Variants in HS3ST4 observed in about 807,000 individuals in gnomAD.
HS3ST4 encodes the protein heparan sulfate-glucosamine 3-sulfotransferase 4, also known as heparan sulfate glucosamine 3-O-sulfotransferase 4.
HS3ST4 carries 17 observed loss-of-function variants against 29.2 expected under a neutral mutation model. The observed-to-expected ratio is 0.58, with a 90% CI of 0.40 to 0.87. HS3ST4 has a LOEUF of 0.87. HS3ST4 is among the 40% of genes least tolerant of loss of function. The pLI, the probability that HS3ST4 is intolerant of heterozygous loss-of-function variation, is 0.00. For synonymous variants in HS3ST4, 314 were observed against 285.7 expected, an observed-to-expected ratio of 1.10 and a Z score of -1.00; for missense variants, 627 against 634.5, an observed-to-expected ratio of 0.99 and a Z score of 0.13.
intron 1 of HS3ST4, among the ~76,000 whole-genome samples, chr16:26,006,288 G>T (rs1480331055): frequency 6.1e-5 from 6 of 98,954 alleles, no homozygotes; most frequent in Non-Finnish European, 9.0e-5. Flanking sequence ...GACAAAGTGA[G>T]ACTCTGTTTC....
intron 1 of HS3ST4, among the ~76,000 whole-genome samples, chr16:25,819,183 C>T (rs1482268337): frequency 6.6e-6 from 1 of 152,104 alleles, no homozygotes; most frequent in Non-Finnish European, 1.5e-5. Flanking sequence ...TCTGAGTCTG[C>T]GATCCTGTAA....
intron 1 of HS3ST4, among the ~76,000 whole-genome samples, chr16:26,008,250 G>A (rs963921021): frequency 4.6e-5 from 7 of 152,198 alleles, no homozygotes; most frequent in African/African-American, 1.7e-4. Context: ...AGGAGATCTG[G>A]CTAGGAATAA....
chr16:25,992,844 A>G (rs148782824), intron 1 of HS3ST4, among the ~76,000 whole-genome samples: 9 of 152,338 alleles, frequency 5.9e-5, no homozygotes, highest in Non-Finnish European at 1.2e-4. Flanking sequence ...TTGCTCCAGC[A>G]CTTGTATGGT....
chr16:25,734,579 A>G (rs4787750), intron 1 of HS3ST4, among the ~76,000 whole-genome samples: 137,417 of 152,194 alleles, frequency 0.9, 62,136 homozygotes, highest in East Asian at 1. Flanking sequence ...TGGAGCTCAG[A>G]AAGATGTAAT....
chr16:26,099,184 T>A (rs1898964190), intron 1 of HS3ST4, among the ~76,000 whole-genome samples: 1 of 152,196 alleles, frequency 6.6e-6, no homozygotes, highest in Non-Finnish European at 1.5e-5. Context: ...AGACAGGGTC[T>A]TGCTCTGCTG....
chr16:25,980,185 A>G (rs921502103), intron 1 of HS3ST4, among the ~76,000 whole-genome samples: 1 of 152,070 alleles, frequency 6.6e-6, no homozygotes, highest in African/African-American at 2.4e-5. Flanking sequence ...TGAACCTCCT[A>G]GGAGTGACTT....
chr16:25,856,901 C>G (rs753197836), intron 1 of HS3ST4, among the ~76,000 whole-genome samples: 1 of 152,104 alleles, frequency 6.6e-6, no homozygotes, highest in South Asian at 2.1e-4. Context: ...AATGATCAAG[C>G]CTGAGGGGTG....
intron 1 of HS3ST4, among the ~76,000 whole-genome samples, chr16:25,768,356 G>C (rs1267939211): frequency 2.0e-5 from 3 of 152,134 alleles, no homozygotes; most frequent in African/African-American, 4.8e-5. Flanking sequence ...TGATTCACAG[G>C]CCCTAGTAGG....
At position 25,692,301 on chromosome 16, in the gene HS3ST4, G is replaced by GGGCAGC. The variant is rs1204288996; in HGVS notation, c.-113_-108dup. On this transcript the variant is annotated 5_prime_UTR_variant, in exon 1 of 2. Transcript: ENST00000331351. ...GTCGCTTCATGCAGCCGGGGCGGCT[G>GGGCAGC]GGCAGCGGCGGCGGCGGCGGCGGCG... The GGGCAGC allele has an allele frequency of 6.9e-6, 1 of 144,048 alleles. No homozygotes were observed. The allele number at this position is 144,048 out of a possible 1,614,324, so 8.9% of individuals were successfully genotyped here.
chr16:25,776,126 G>T (rs1966847356), intron 1 of HS3ST4, among the ~76,000 whole-genome samples: 1 of 152,108 alleles, frequency 6.6e-6, no homozygotes, highest in South Asian at 2.1e-4. Flanking sequence ...CCTGTACCTT[G>T]ATTTGGCTCA....
At chr16:26,049,519 AAC>A (rs1236659243) in intron 1 of HS3ST4, among the ~76,000 whole-genome samples, 2 of 150,398 alleles carry the variant, frequency 1.3e-5, no homozygotes, top group African/African-American at 2.5e-5. Flanking sequence ...TGAGCGGAAA[AAC>A]ACAGTTTTTC....
At chr16:25,740,802 G>A (rs569811446) in intron 1 of HS3ST4, among the ~76,000 whole-genome samples, 1 of 152,090 alleles carries the variant, frequency 6.6e-6, no homozygotes, top group African/African-American at 2.4e-5. Flanking sequence ...CAGAACCAGG[G>A]GTTCACATAT....
chr16:26,126,532 A>G (rs950524946), intron 1 of HS3ST4, among the ~76,000 whole-genome samples: 6 of 152,230 alleles, frequency 3.9e-5, no homozygotes, highest in Non-Finnish European at 7.3e-5. Flanking sequence ...GAGACAGGCT[A>G]AGTAACTTGC....
intron 1 of HS3ST4, among the ~76,000 whole-genome samples, chr16:25,923,429 G>T (rs555144850): frequency 6.6e-6 from 1 of 152,194 alleles, no homozygotes; most frequent in Non-Finnish European, 1.5e-5. Context: ...GCTAAACAGA[G>T]ACTACCCTAG....
chr16:25,741,036 G>A (rs529905287), intron 1 of HS3ST4, among the ~76,000 whole-genome samples: 38 of 141,128 alleles, frequency 2.7e-4, no homozygotes, highest in African/African-American at 9.4e-4. Context: ...CATAAAGTGT[G>A]TGTCTGTGTG....
At chr16:26,128,271 G>T (rs1341601312) in intron 1 of HS3ST4, among the ~76,000 whole-genome samples, 1 of 152,152 alleles carries the variant, frequency 6.6e-6, no homozygotes, top group Non-Finnish European at 1.5e-5. Context: ...CTATTGAAGG[G>T]CAGGGACCAT....
chr16:26,070,692 C>A (rs1230419174), intron 1 of HS3ST4, among the ~76,000 whole-genome samples: 5 of 152,302 alleles, frequency 3.3e-5, no homozygotes, highest in Non-Finnish European at 5.9e-5. Flanking sequence ...GAAAACTTCC[C>A]TATTGAAACA....
chr16:25,701,616 G>C (rs1966335205), intron 1 of HS3ST4, among the ~76,000 whole-genome samples: 1 of 152,178 alleles, frequency 6.6e-6, no homozygotes, highest in East Asian at 1.9e-4. Flanking sequence ...GGTGCAGAGG[G>C]TGTTTGGGGA....
At chr16:25,976,921 T>G (rs1968949184) in intron 1 of HS3ST4, among the ~76,000 whole-genome samples, 1 of 25,938 alleles carries the variant, frequency 3.9e-5, no homozygotes, top group South Asian at 1.0e-3. Flanking sequence ...AAATTGCATG[T>G]AATTTTCACG....
Sources: allele counts gnomAD v4.1 joint callset (sites outside exome capture counted in the v4.1 genomes callset), GRCh38; gene constraint gnomAD v4.1.1; transcripts MANE v1.5; gene names NCBI Gene and HGNC (gene_info 2026-07-23, HGNC 2026-07-21).